Variants in TAB2 observed in about 807,000 individuals in gnomAD.
TAB2 encodes TGF-beta activated kinase 1 (MAP3K7) binding protein 2.
A neutral mutation model predicts 65.0 loss-of-function variants in TAB2; 3 were observed. The observed-to-expected ratio is 0.05, with a 90% CI of 0.02 to 0.12. TAB2 has a LOEUF of 0.12. TAB2 is among the 10% of genes least tolerant of loss of function. The probability of loss-of-function intolerance (pLI) is 1.00; values close to 1 mark genes in which losing one functional copy is unlikely to be tolerated. For missense variants in TAB2, 623 were observed against 840.3 expected, an observed-to-expected ratio of 0.74 and a Z score of 3.20; for synonymous variants, 298 against 285.1, an observed-to-expected ratio of 1.05 and a Z score of -0.46.
intron 1 of TAB2, among the ~76,000 whole-genome samples, chr6:149,301,549 TG>T (rs1207547303): frequency 2.6e-5 from 4 of 152,192 alleles, no homozygotes; most frequent in Admixed American, 6.5e-5. Context: ...GAAAGCATAG[TG>T]GGGAGAAATA....
rs372735784 is a variant in TAB2, at chr6:149,231,259, A to G, written c.-121+12483A>G. Among the ~76,000 whole-genome samples, 33 of 152,376 alleles carry G rather than the reference A, an allele frequency of 2.2e-4. No individual in the cohort carries two copies. The South Asian group carries it at 6.8e-3, about 32-fold the overall frequency. On this transcript the variant is annotated intron_variant, in intron 1 of 1. Coordinates refer to the TAB2 transcript ENST00000606202. ...ACATATGAAAAGGGCAGTGGAGCTGATGATTAATAACTACCGCATGCCTTG... is the reference window on the plus strand; with the variant it reads ...ACATATGAAAAGGGCAGTGGAGCTGGTGATTAATAACTACCGCATGCCTTG...
intron 1 of TAB2, among the ~76,000 whole-genome samples, chr6:149,271,957 G>A (rs1469225429): frequency 1.3e-5 from 2 of 151,914 alleles, no homozygotes; most frequent in Non-Finnish European, 2.9e-5. Context: ...AGTGTCAGAC[G>A]CCCACACAAA....
At chr6:149,397,567 G>C in intron 3 of TAB2, 37 bp from the exon 4 acceptor site, 1 of 1,612,236 alleles carries the variant, frequency 6.2e-7, no homozygotes, top group South Asian at 1.1e-5. Context: ...ATTGATTAAA[G>C]TGGGTGGGTC....
upstream of TAB2, among the ~76,000 whole-genome samples, chr6:149,312,760 A>T (rs1028792208): frequency 2.0e-5 from 3 of 152,222 alleles, no homozygotes; most frequent in Non-Finnish European, 2.9e-5. Flanking sequence ...AAAATTCTAT[A>T]TATTGATCAT....
At position 149,397,680 on chromosome 6, in the gene TAB2, A is replaced by G. The variant is rs868320161; in HGVS notation, c.1680A>G (p.Lys560=). The change falls in exon 4 of 7, where the codon AAA becomes AAG. Residue 560 remains lysine (K), a synonymous_variant. Transcript: ENST00000637181. ...ELEIQKKKLD[K]LKSEVNEMEN... is the part of the protein sequence containing the mutation. ...AGATTCAAAAGAAAAAGCTGGATAA[A>G]TTAAAATCTGAGGTTAATGAAATGG... 6.2e-7 allele frequency: 1 copy of G among 1,614,140 alleles called. No homozygotes were observed. Among genetic ancestry groups the G allele is most frequent in the Middle Eastern group, 1.7e-4 (1 of 6,058 alleles).
In TAB2 at chr6:149,397,469, A is replaced by G; in HGVS notation, c.1604-135A>G. 4.8e-6 allele frequency: 5 copies of G among 1,034,174 alleles called. No homozygotes were observed. In the South Asian group the frequency reaches 5.5e-5, roughly 11 times the overall value. The allele number at this position is 1,034,174 out of a possible 1,614,324, so 64.1% of individuals were successfully genotyped here. On this transcript the variant is annotated intron_variant, in intron 3 of 6. Transcript: ENST00000637181. The stretch of plus-strand genomic sequence containing the variant: ...AAAAAAAAAAAAATTGAAATTTTAA[A>G]TGCCTAAACTTACAATATTTTGTTT...
At chr6:149,249,419 A>ACTCT (rs143156863) in intron 1 of TAB2, among the ~76,000 whole-genome samples, 15,718 of 150,724 alleles carry the variant, frequency 0.1, 1,540 homozygotes, top group African/African-American at 0.26. Flanking sequence ...TCTCTCTGTA[A>ACTCT]CTCTCTCTCT....
At chr6:149,353,949 A>T (rs111760746) in intron 1 of TAB2, among the ~76,000 whole-genome samples, 2 of 152,310 alleles carry the variant, frequency 1.3e-5, no homozygotes, top group African/African-American at 4.8e-5. Context: ...AACCCACTAA[A>T]ACTTTGGAGT....
chr6:149,308,466 T>G (rs1032185111), intron 1 of TAB2, among the ~76,000 whole-genome samples: 1 of 152,150 alleles, frequency 6.6e-6, no homozygotes, highest in African/African-American at 2.4e-5. Context: ...ATTGAATTTA[T>G]TTTCCTATTT....
At chr6:149,315,486 A>G (rs1779233233), upstream of TAB2, among the ~76,000 whole-genome samples, 1 of 152,202 alleles carries the variant, frequency 6.6e-6, no homozygotes, top group South Asian at 2.1e-4. Flanking sequence ...GTGTTTGCTT[A>G]TAAACAAGGA....
intron 1 of TAB2, among the ~76,000 whole-genome samples, chr6:149,266,432 C>A (rs934527879): frequency 6.6e-6 from 1 of 152,218 alleles, no homozygotes; most frequent in African/African-American, 2.4e-5. Context: ...GAGAACACCC[C>A]ACTCCTTCCC....
intron 1 of TAB2, among the ~76,000 whole-genome samples, chr6:149,328,540 C>A (rs1779685797): frequency 6.6e-6 from 1 of 152,202 alleles, no homozygotes; most frequent in Non-Finnish European, 1.5e-5. Context: ...GATTGGCCCG[C>A]CTTGACCTAC....
intron 1 of TAB2, among the ~76,000 whole-genome samples, chr6:149,250,534 G>A (rs1038951609): frequency 1.3e-5 from 2 of 152,128 alleles, no homozygotes; most frequent in Admixed American, 6.5e-5. Context: ...TCAAACTCCT[G>A]ACCTCAGGCG....
chr6:149,372,182 T>TA lies in TAB2; in HGVS notation c.102+2083_102+2084insA, dbSNP rs760183308. Among the ~76,000 whole-genome samples, 13 of 149,180 alleles carry TA rather than the reference T, an allele frequency of 8.7e-5. No individual in the cohort carries two copies. In the East Asian group the frequency reaches 1.2e-3, roughly 13 times the overall value. On this transcript the variant is annotated intron_variant, in intron 2 of 6. Transcript: ENST00000637181. ...TTTGTAGAATTACTTTAAAATATTTTCAAAAAAAAAATAGAGCACTCTAAT... is the reference window on the plus strand; with the variant it reads ...TTTGTAGAATTACTTTAAAATATTTTACAAAAAAAAAATAGAGCACTCTAAT...
At chr6:149,219,402 T>A (rs1367479707) in intron 1 of TAB2, among the ~76,000 whole-genome samples, 1 of 152,082 alleles carries the variant, frequency 6.6e-6, no homozygotes, top group East Asian at 1.9e-4. Context: ...CTGTATGTGT[T>A]ATTACCCCAT....
Position 149,351,963 on chromosome 6 carries a change from T to C in TAB2, c.-89-17946T>C, listed in dbSNP as rs529424617. ...TGGCTAAGGTAGAATACTGGTTCTT[T>C]TAGTTCTACTCTTTTCTTCTCTTCA... On this transcript the variant is annotated intron_variant, in intron 1 of 6. Transcript: ENST00000637181. Among the ~76,000 whole-genome samples, 152 of 152,304 alleles carry C rather than the reference T, an allele frequency of 1.0e-3. No homozygotes were observed. The South Asian group carries it at 0.019, about 19-fold the overall frequency.
chr6:149,333,552 T>C (rs1455734787), intron 1 of TAB2, among the ~76,000 whole-genome samples: 5 of 152,202 alleles, frequency 3.3e-5, no homozygotes, highest in Non-Finnish European at 5.9e-5. Context: ...ATGGTAGATG[T>C]ATAGGCCAAG....
At chr6:149,290,600 C>G (rs1292186545) in intron 1 of TAB2, among the ~76,000 whole-genome samples, 1 of 152,080 alleles carries the variant, frequency 6.6e-6, no homozygotes, top group African/African-American at 2.4e-5. Flanking sequence ...TACCAGCACT[C>G]TGGGAGGCCA....
chr6:149,254,065 GGAAGGAAGGAAGGAAGGA>G (rs1777943563), intron 1 of TAB2, among the ~76,000 whole-genome samples: 2 of 70,856 alleles, frequency 2.8e-5, no homozygotes, highest in African/African-American at 1.2e-4. Flanking sequence ...GAGGGAGGAA[GGAAGGAAGGAAGGAAGGA>G]AGGAAGGAAG....
Sources: allele counts gnomAD v4.1 joint callset (sites outside exome capture counted in the v4.1 genomes callset), GRCh38; gene constraint gnomAD v4.1.1; transcripts MANE v1.5; gene names NCBI Gene and HGNC (gene_info 2026-07-23, HGNC 2026-07-21).